Variants in TPM3 observed in about 807,000 individuals in gnomAD.
The protein encoded by TPM3 is tropomyosin alpha-3 chain.
A neutral mutation model predicts 43.1 loss-of-function variants in TPM3; 16 were observed. That is an observed-to-expected ratio of 0.37 (90% CI 0.25 to 0.56). The LOEUF (loss-of-function observed/expected upper bound fraction) is 0.56. Among genes scored for constraint, TPM3 ranks in the 20% least tolerant of loss-of-function variants. The pLI is 0.77. For synonymous variants in TPM3, 101 were observed against 116.9 expected, an observed-to-expected ratio of 0.86 and a Z score of 0.88; for missense variants, 176 against 337.2, an observed-to-expected ratio of 0.52 and a Z score of 3.74.
At chr1:154,178,408 C>CT (rs1243506330) in intron 2 of TPM3, among the ~76,000 whole-genome samples, 2 of 152,154 alleles carry the variant, frequency 1.3e-5, no homozygotes, top group Non-Finnish European at 2.9e-5. Context: ...GATGGGAGTC[C>CT]TAGAAAAAGC....
chr1:154,186,747 A>G (rs1460114555), intron 2 of TPM3, among the ~76,000 whole-genome samples: 1 of 151,718 alleles, frequency 6.6e-6, no homozygotes, highest in African/African-American at 2.4e-5. Flanking sequence ...AGTTTTATGT[A>G]TGCGTATTTT....
intron 3 of TPM3, among the ~76,000 whole-genome samples, chr1:154,175,909 C>T (rs1209851538): frequency 6.6e-6 from 1 of 152,164 alleles, no homozygotes; most frequent in Non-Finnish European, 1.5e-5. Flanking sequence ...CCCAGGAGTG[C>T]AGTGGCGCAA....
chr1:154,156,005 G>GGATC (rs1396807228), downstream of TPM3: 1 of 181,366 alleles, frequency 5.5e-6, no homozygotes, highest in Non-Finnish European at 1.2e-5. Context: ...TGAGGCAGGT[G>GGATC]GATCACCTGA....
intron 3 of TPM3, among the ~76,000 whole-genome samples, chr1:154,174,405 T>TACACAC (rs1198280346): frequency 0.012 from 1,034 of 89,502 alleles, 57 homozygotes; most frequent in African/African-American, 0.051. Context: ...TATATATATA[T>TACACAC]ATACACACAA....
At chr1:154,186,662 G>A (rs1162490899) in intron 2 of TPM3, among the ~76,000 whole-genome samples, 2 of 151,606 alleles carry the variant, frequency 1.3e-5, no homozygotes, top group African/African-American at 4.9e-5. Context: ...GGATTAAAAT[G>A]ATCTTAGATG....
chr1:154,161,018 C>T (rs1265133128), downstream of TPM3, among the ~76,000 whole-genome samples: 1 of 151,614 alleles, frequency 6.6e-6, no homozygotes, highest in East Asian at 1.9e-4. Context: ...TCAAGCAAAC[C>T]TCTTGCTTCA....
intron 3 of TPM3, 123 bp from the exon 4 acceptor site, chr1:154,173,324 A>C (rs1414156183): frequency 6.1e-6 from 5 of 823,210 alleles, no homozygotes; most frequent in Non-Finnish European, 1.0e-5. Context: ...TCAAATGGAA[A>C]TTCCATGTTA....
At chr1:154,157,906 T>C (rs371115930), downstream of TPM3, among the ~76,000 whole-genome samples, 1 of 152,178 alleles carries the variant, frequency 6.6e-6, no homozygotes, top group South Asian at 2.1e-4. Context: ...ACTGAAGTTG[T>C]AGGTGTTGCT....
Position 154,167,960 on chromosome 1 carries a change from T to C in TPM3, c.855-20A>G, listed in dbSNP as rs763601742. 2.3e-5 allele frequency: 37 copies of C among 1,613,430 alleles called. No homozygotes were observed. Among genetic ancestry groups the C allele is most frequent in the African/African-American group, 5.4e-5 (4 of 74,726 alleles). The stretch of plus-strand genomic sequence containing the variant: ...AATTATCTGTATGAAAAAGTAAGGA[T>C]ACTCTAGGTGAGAAGGACTAGCATC... On this transcript the variant is annotated intron_variant, in intron 9 of 9. Coordinates refer to ENST00000651641, the MANE Select transcript of TPM3 (RefSeq NM_152263.4).
chr1:154,156,209 CA>C (rs1399577100), downstream of TPM3: 4 of 176,474 alleles, frequency 2.3e-5, no homozygotes, highest in African/African-American at 9.5e-5. Context: ...CCAGCCCAGG[CA>C]ACAAGAATGA....
chr1:154,157,925 T>C (rs1012513173), downstream of TPM3, among the ~76,000 whole-genome samples: 1 of 152,170 alleles, frequency 6.6e-6, no homozygotes, highest in South Asian at 2.1e-4. Flanking sequence ...CTGCACTTCC[T>C]GGGTGAGGGA....
downstream of TPM3, chr1:154,156,876 G>C (rs1659860117): frequency 5.1e-6 from 1 of 195,756 alleles, no homozygotes; most frequent in Admixed American, 6.1e-5. Flanking sequence ...AAGCAATTAA[G>C]TGGTCACCTC....
intron 2 of TPM3, among the ~76,000 whole-genome samples, chr1:154,182,310 CAG>C (rs1663048343): frequency 6.6e-6 from 1 of 152,212 alleles, no homozygotes; most frequent in African/African-American, 2.4e-5. Context: ...CACGTAGATT[CAG>C]AGAGTGGGTG....
In TPM3 at chr1:154,164,173, C is replaced by T. The variant is rs990416590; in HGVS notation, c.*3764G>A. Among the ~76,000 whole-genome samples the T allele has an allele frequency of 6.6e-6, 1 of 151,834 alleles. No homozygotes were observed. The highest frequency in any genetic ancestry group is 1.5e-5 in the Non-Finnish European group (1 of 67,990). ...TCTTTAACCCCACCACTTTCCTACT[C>T]TTTTTTTGGGGGGGGTCTCATTCTG... On this transcript the variant is annotated 3_prime_UTR_variant, in exon 10 of 10. Coordinates refer to ENST00000651641, the MANE Select transcript of TPM3 (RefSeq NM_152263.4).
chr1:154,159,523 T>C (rs1660135724), downstream of TPM3, among the ~76,000 whole-genome samples: 1 of 152,220 alleles, frequency 6.6e-6, no homozygotes. Context: ...ACTCATTCAC[T>C]CCTATACTTT....
intron 5 of TPM3, chr1:154,172,667 C>A: frequency 1.7e-6 from 1 of 572,570 alleles, no homozygotes; most frequent in South Asian, 2.0e-5. Flanking sequence ...TCCTTATTTG[C>A]TCTCAATTTG....
At chr1:154,170,307 A>G in intron 8 of TPM3, 93 bp downstream of exon 8, 2 of 1,414,094 alleles carry the variant, frequency 1.4e-6, no homozygotes, top group East Asian at 4.6e-5. Flanking sequence ...AGTCACTACC[A>G]ACTTCCTTTG....
intron 1 of TPM3, 69 bp downstream of exon 1, chr1:154,191,833 C>A (rs960707722): frequency 1.3e-6 from 2 of 1,589,912 alleles, no homozygotes; most frequent in Admixed American, 1.7e-5. Flanking sequence ...CTGTCTTTCC[C>A]ATGAAAACTC....
chr1:154,170,341 G>A, intron 8 of TPM3, 59 bp downstream of exon 8: 3 of 1,564,880 alleles, frequency 1.9e-6, no homozygotes, highest in South Asian at 1.1e-5. Flanking sequence ...GAGATTAATG[G>A]TTAATGGGCA....
Sources: gnomAD v4.1 joint callset for allele counts (sites outside exome capture counted in the v4.1 genomes callset) on GRCh38, gnomAD v4.1.1 for gene constraint, MANE v1.5 for transcripts, NCBI Gene and HGNC (gene_info 2026-07-23, HGNC 2026-07-21) for gene names.